The following SERPINB12 variants were observed in gnomAD, a reference collection of about 807,000 sequenced individuals.
SERPINB12 encodes serpin B12.
In SERPINB12, 57 loss-of-function variants were observed where a neutral mutation model predicts 41.1. The observed-to-expected ratio is 1.39, with a 90% CI of 1.12 to 1.73. The LOEUF (loss-of-function observed/expected upper bound fraction) is 1.73, where lower values mean the gene tolerates loss of function less well. SERPINB12 is among the 40% of genes most tolerant of loss of function. The pLI, the probability that SERPINB12 is intolerant of heterozygous loss-of-function variation, is 0.00. For synonymous variants in SERPINB12, 180 were observed against 181.3 expected, an observed-to-expected ratio of 0.99 and a Z score of 0.06; for missense variants, 536 against 501.9, an observed-to-expected ratio of 1.07 and a Z score of -0.65.
At chr18:63,537,170 C>T in the SERPINB12 span, among the ~76,000 whole-genome samples, 1 of 152,248 alleles carries the variant, frequency 6.6e-6, no homozygotes, top group South Asian at 2.1e-4. Context: ...ATATCTACAT[C>T]ATGGACTGAT....
chr18:63,533,335 G>T, the SERPINB12 span, among the ~76,000 whole-genome samples: 3 of 152,180 alleles, frequency 2.0e-5, no homozygotes, highest in African/African-American at 7.2e-5. Flanking sequence ...GTGTAAGAAG[G>T]TTGAATCCTG....
chr18:63,530,711 C>T, the SERPINB12 span, among the ~76,000 whole-genome samples: 10 of 152,082 alleles, frequency 6.6e-5, no homozygotes, highest in African/African-American at 2.2e-4. Flanking sequence ...ATACATGGTG[C>T]TCACACACTC....
the SERPINB12 span, among the ~76,000 whole-genome samples, chr18:63,527,743 G>A: frequency 6.6e-6 from 1 of 152,068 alleles, no homozygotes. Context: ...TTAACAAACT[G>A]GGAAAGTTTT....
the SERPINB12 span, among the ~76,000 whole-genome samples, chr18:63,536,896 A>C: frequency 6.6e-6 from 1 of 152,170 alleles, no homozygotes; most frequent in Non-Finnish European, 1.5e-5. Context: ...AGGAGTTGGT[A>C]ATTCATATAG....
intron 1 of SERPINB12, among the ~76,000 whole-genome samples, chr18:63,549,646 A>G (rs149874261): frequency 1.9e-3 from 291 of 152,230 alleles, no homozygotes; most frequent in African/African-American, 6.7e-3. Flanking sequence ...AGCAACCCCC[A>G]TAAAGATTGT....
intron 2 of SERPINB12, among the ~76,000 whole-genome samples, chr18:63,556,842 G>A (rs192847983): frequency 1.3e-5 from 2 of 152,204 alleles, no homozygotes; most frequent in East Asian, 3.9e-4. Flanking sequence ...CATAATCCAG[G>A]CACTTCTCCC....
rs150702309 is a variant in SERPINB12, at chr18:63,567,224, A to T, written c.*213A>T. On this transcript the variant is annotated 3_prime_UTR_variant, in exon 8 of 8. Transcript: ENST00000382768. The stretch of plus-strand genomic sequence containing the variant: ...TGAAGGGCTGTTGTTCTCTACCCTA[A>T]ACTTTCAAGCATATAAATTCACCCT... Among the ~76,000 whole-genome samples, 125 of 152,258 alleles carry T rather than the reference A, an allele frequency of 8.2e-4. No individual in the cohort carries two copies. The highest frequency in any genetic ancestry group is 2.9e-3 in the African/African-American group (120 of 41,546).
At chr18:63,555,957 C>T (rs1222775647) in intron 1 of SERPINB12, among the ~76,000 whole-genome samples, 185 bp from the exon 2 acceptor site, 2 of 152,168 alleles carry the variant, frequency 1.3e-5, no homozygotes, top group African/African-American at 4.8e-5. Flanking sequence ...GAAAATAGAT[C>T]TCTGTCTATC....
intron 1 of SERPINB12, among the ~76,000 whole-genome samples, 191 bp from the exon 2 acceptor site, chr18:63,555,951 A>G (rs1910658020): frequency 1.3e-5 from 2 of 152,226 alleles, no homozygotes; most frequent in Non-Finnish European, 2.9e-5. Flanking sequence ...CTAAATGAAA[A>G]TAGATCTCTG....
chr18:63,558,518 T>C, intron 3 of SERPINB12, 32 bp downstream of exon 3: 1 of 1,582,696 alleles, frequency 6.3e-7, no homozygotes, highest in Non-Finnish European at 8.6e-7. Flanking sequence ...CTCTTGCCTT[T>C]CTTTTTTACA....
At chr18:63,555,872 C>A (rs1209783186) in intron 1 of SERPINB12, among the ~76,000 whole-genome samples, 1 of 152,158 alleles carries the variant, frequency 6.6e-6, no homozygotes, top group East Asian at 1.9e-4. Flanking sequence ...GGAGAATAAA[C>A]TCCTGCTATT....
intron 4 of SERPINB12, among the ~76,000 whole-genome samples, chr18:63,560,637 A>G (rs901018737): frequency 1.3e-5 from 2 of 152,212 alleles, no homozygotes; most frequent in Non-Finnish European, 1.5e-5. Flanking sequence ...TACATTCACA[A>G]TGTTGTGTAA....
intron 2 of SERPINB12, among the ~76,000 whole-genome samples, chr18:63,557,174 G>C (rs963206476): frequency 6.6e-6 from 1 of 152,242 alleles, no homozygotes; most frequent in South Asian, 2.1e-4. Flanking sequence ...CCTTGGGTAA[G>C]TCATGCCCAT....
At chr18:63,544,545 G>A (rs948485222) in intron 1 of SERPINB12, among the ~76,000 whole-genome samples, 7 of 152,112 alleles carry the variant, frequency 4.6e-5, no homozygotes, top group Non-Finnish European at 7.4e-5. Flanking sequence ...CTGATTGCAA[G>A]TTTACTGCTT....
chr18:63,529,309 G>T, the SERPINB12 span, among the ~76,000 whole-genome samples: 7 of 152,300 alleles, frequency 4.6e-5, no homozygotes, highest in African/African-American at 1.7e-4. Context: ...ATCAGTCCAA[G>T]GTTGGTCAGG....
chr18:63,556,191 T>A lies in SERPINB12; in HGVS notation c.32T>A (p.Phe11Tyr). The change falls in exon 2 of 8, where the codon TTT becomes TAT. Residue 11 changes from phenylalanine to tyrosine, a missense_variant. Coordinates refer to ENST00000382768, the MANE Select transcript of SERPINB12 (RefSeq NM_001307928.2). ...TCTCTTGTTACAGCAAACACCAAAT[T>A]TTGCTTTGATCTTTTTCAAGAGATA... MDSLVTANTKFCFDLFQEIGK... is the reference protein window; with the variant it reads MDSLVTANTKYCFDLFQEIGK... 6.2e-7 allele frequency: 1 copy of A among 1,613,976 alleles called. No homozygotes were observed. Among genetic ancestry groups the A allele is most frequent in the Non-Finnish European group, 8.5e-7 (1 of 1,179,914 alleles).
At chr18:63,547,183 C>A (rs562787492) in intron 1 of SERPINB12, among the ~76,000 whole-genome samples, 2 of 152,282 alleles carry the variant, frequency 1.3e-5, no homozygotes, top group Admixed American at 1.3e-4. Flanking sequence ...TCAGCCCCAA[C>A]CACCTGGTCA....
chr18:63,542,149 C>T (rs1459422526), upstream of SERPINB12, among the ~76,000 whole-genome samples: 2 of 152,154 alleles, frequency 1.3e-5, no homozygotes, highest in African/African-American at 4.8e-5. Context: ...TTTACTAAGG[C>T]TCTAACCCCT....
chr18:63,554,831 C>T (rs1204916579), intron 1 of SERPINB12, among the ~76,000 whole-genome samples: 8 of 152,148 alleles, frequency 5.3e-5, no homozygotes, highest in East Asian at 3.9e-4. Context: ...ATAATCTCCA[C>T]GTGTTGAGGG....
Sources: allele counts gnomAD v4.1 joint callset (sites outside exome capture counted in the v4.1 genomes callset), GRCh38; gene constraint gnomAD v4.1.1; transcripts MANE v1.5; gene names NCBI Gene and HGNC (gene_info 2026-07-23, HGNC 2026-07-21).